Variants in ESR1 observed in about 807,000 individuals in gnomAD.
ESR1 encodes the protein estrogen receptor.
In ESR1, 12 loss-of-function variants were observed where a neutral mutation model predicts 52.7. The ratio of observed to expected loss-of-function variants is 0.23; its 90% CI spans 0.15 to 0.37. ESR1 has a LOEUF of 0.37. Ranked by LOEUF, ESR1 falls within the 10% of genes least tolerant of loss-of-function variation. The pLI is 1.00. For synonymous variants in ESR1, 305 were observed against 316.8 expected, an observed-to-expected ratio of 0.96 and a Z score of 0.39; for missense variants, 584 against 779.7, an observed-to-expected ratio of 0.75 and a Z score of 2.99.
intron 1 of ESR1, among the ~76,000 whole-genome samples, chr6:151,841,131 T>G (rs1407389861): frequency 1.3e-5 from 2 of 152,240 alleles, no homozygotes; most frequent in Admixed American, 6.5e-5. Flanking sequence ...CTTCTTGGCT[T>G]TATTCTTTTA....
intron 1 of ESR1, among the ~76,000 whole-genome samples, chr6:151,676,875 TG>T (rs1488622230): frequency 6.6e-6 from 1 of 152,168 alleles, no homozygotes; most frequent in Non-Finnish European, 1.5e-5. Context: ...GAAAAAGCTG[TG>T]TTTGGATGGT....
intron 1 of ESR1, among the ~76,000 whole-genome samples, chr6:151,673,528 G>A (rs1015588275): frequency 1.3e-5 from 2 of 152,032 alleles, no homozygotes; most frequent in African/African-American, 4.8e-5. Context: ...CTGGGTCTTT[G>A]GGTTTTATCT....
chr6:151,683,633 T>G (rs889870671), intron 1 of ESR1, among the ~76,000 whole-genome samples: 1 of 152,076 alleles, frequency 6.6e-6, no homozygotes, highest in Non-Finnish European at 1.5e-5. Context: ...GCCACTTATC[T>G]AAGAGTGTTA....
At chr6:151,677,862 T>G (rs754362151) in intron 1 of ESR1, among the ~76,000 whole-genome samples, 1 of 152,244 alleles carries the variant, frequency 6.6e-6, no homozygotes, top group Non-Finnish European at 1.5e-5. Flanking sequence ...CAGATTTATT[T>G]TCTCAAATGC....
At chr6:151,722,547 C>T (rs1781536607) in intron 2 of ESR1, among the ~76,000 whole-genome samples, 1 of 152,180 alleles carries the variant, frequency 6.6e-6, no homozygotes, top group Non-Finnish European at 1.5e-5. Flanking sequence ...AACATGTGCA[C>T]TGACACGGCT....
intron 4 of ESR1, among the ~76,000 whole-genome samples, chr6:151,966,127 G>A (rs1584518398): frequency 6.6e-6 from 1 of 152,000 alleles, no homozygotes; most frequent in Non-Finnish European, 1.5e-5. Flanking sequence ...CAAAAAATTT[G>A]CTTTCACATT....
At chr6:151,671,166 G>C (rs779032375) in intron 1 of ESR1, among the ~76,000 whole-genome samples, 115 of 152,054 alleles carry the variant, frequency 7.6e-4, no homozygotes, top group Non-Finnish European at 1.9e-4. Context: ...GAAAGTGAAG[G>C]GGTGAACTTC....
intron 3 of ESR1, among the ~76,000 whole-genome samples, chr6:151,891,817 A>G (rs1039963045): frequency 2.0e-5 from 3 of 152,194 alleles, no homozygotes; most frequent in Non-Finnish European, 2.9e-5. Flanking sequence ...ACTCCTCTTC[A>G]ACAAAAACAT....
At chr6:151,759,200 G>A (rs368025250) in intron 2 of ESR1, among the ~76,000 whole-genome samples, 49 of 149,664 alleles carry the variant, frequency 3.3e-4, no homozygotes, top group African/African-American at 1.0e-3. Flanking sequence ...GCTTGAACAC[G>A]GGAGGCAGAG....
intron 5 of ESR1, among the ~76,000 whole-genome samples, chr6:152,013,210 A>G (rs2042917940): frequency 6.7e-6 from 1 of 149,756 alleles, no homozygotes; most frequent in African/African-American, 2.5e-5. Flanking sequence ...TTCCTATCTC[A>G]TTTCTCCTCT....
chr6:151,874,268 A>AT (rs930355493), intron 2 of ESR1, among the ~76,000 whole-genome samples: 1 of 151,968 alleles, frequency 6.6e-6, no homozygotes, highest in Admixed American at 6.6e-5. Context: ...CTTGACTTTA[A>AT]TTTTTTTTCA....
At chr6:151,669,158 G>C (rs1777943985) in intron 1 of ESR1, among the ~76,000 whole-genome samples, 1 of 122,560 alleles carries the variant, frequency 8.2e-6, no homozygotes, top group African/African-American at 2.9e-5. Flanking sequence ...GAGAGAGAGA[G>C]AGAGAGAGAG....
chr6:151,936,681 T>C (rs2034399743), intron 3 of ESR1, among the ~76,000 whole-genome samples: 1 of 152,180 alleles, frequency 6.6e-6, no homozygotes, highest in African/African-American at 2.4e-5. Context: ...ACACTGGACA[T>C]GACACTGTTG....
intron 6 of ESR1, among the ~76,000 whole-genome samples, chr6:152,093,661 G>C (rs1234871427): frequency 2.0e-5 from 3 of 152,156 alleles, no homozygotes; most frequent in Non-Finnish European, 4.4e-5. Flanking sequence ...AAATAGGCGA[G>C]AGAGGAAAAA....
chr6:151,711,413 G>A (rs1200669815), intron 2 of ESR1, among the ~76,000 whole-genome samples: 1 of 152,008 alleles, frequency 6.6e-6, no homozygotes, highest in Non-Finnish European at 1.5e-5. Context: ...AGTAGAGACG[G>A]GGTTTCACTG....
intron 3 of ESR1, among the ~76,000 whole-genome samples, chr6:151,925,644 A>T (rs2032601199): frequency 6.6e-6 from 1 of 152,040 alleles, no homozygotes; most frequent in Admixed American, 6.6e-5. Flanking sequence ...CATACATAAA[A>T]TTGGGTTTTT....
intron 4 of ESR1, among the ~76,000 whole-genome samples, chr6:152,008,138 G>A (rs2042479257): frequency 1.3e-5 from 2 of 152,010 alleles, no homozygotes; most frequent in South Asian, 2.1e-4. Context: ...TGGTAAAGTC[G>A]AGACCAGTAT....
intron 5 of ESR1, among the ~76,000 whole-genome samples, chr6:152,022,824 A>G (rs1052748867): frequency 6.6e-5 from 10 of 152,068 alleles, no homozygotes; most frequent in Non-Finnish European, 1.3e-4. Flanking sequence ...ATAAAAATTA[A>G]AAATTAGCCG....
intron 6 of ESR1, among the ~76,000 whole-genome samples, chr6:152,077,065 C>A (rs963154951): frequency 6.6e-6 from 1 of 152,160 alleles, no homozygotes; most frequent in Non-Finnish European, 1.5e-5. Flanking sequence ...GTCTTCATGG[C>A]AGCCCCTCCC....
Sources: allele counts gnomAD v4.1 joint callset (sites outside exome capture counted in the v4.1 genomes callset), GRCh38; gene constraint gnomAD v4.1.1; transcripts MANE v1.5; gene names NCBI Gene and HGNC (gene_info 2026-07-23, HGNC 2026-07-21).